The following IGSF11 variants were observed in gnomAD, a reference collection of about 807,000 sequenced individuals.
The protein encoded by IGSF11 is CXADR like 1.
IGSF11 carries 22 observed loss-of-function variants against 41.0 expected under a neutral mutation model. That is an observed-to-expected ratio of 0.54 (90% CI 0.38 to 0.77). The LOEUF (loss-of-function observed/expected upper bound fraction) is 0.77. Ranked by LOEUF, IGSF11 falls within the 30% of genes least tolerant of loss-of-function variation. The pLI, the probability that IGSF11 is intolerant of heterozygous loss-of-function variation, is 0.00. For synonymous variants in IGSF11, 219 were observed against 201.3 expected (o/e 1.09, Z -0.74); for missense variants, 444 against 530.8 (o/e 0.84, Z 1.61).
intron 1 of IGSF11, among the ~76,000 whole-genome samples, chr3:119,026,426 G>A (rs1939834714): frequency 6.6e-6 from 1 of 152,126 alleles, no homozygotes; most frequent in Non-Finnish European, 1.5e-5. Flanking sequence ...AGTCTATGTA[G>A]TAAAAACTAC....
chr3:118,905,522 C>A, intron 5 of IGSF11, 74 bp downstream of exon 5: 1 of 1,493,190 alleles, frequency 6.7e-7, no homozygotes, highest in Non-Finnish European at 9.3e-7. Context: ...TCAGCAGAAC[C>A]CTTCATTTTC....
chr3:119,023,619 C>T (rs1315122813), intron 1 of IGSF11, among the ~76,000 whole-genome samples: 1 of 152,100 alleles, frequency 6.6e-6, no homozygotes, highest in African/African-American at 2.4e-5. Context: ...GTCTAATTAA[C>T]ATACATGAAG....
intron 1 of IGSF11, among the ~76,000 whole-genome samples, chr3:119,069,442 C>T (rs564913239): frequency 1.8e-4 from 27 of 152,110 alleles, no homozygotes; most frequent in Admixed American, 5.2e-4. Context: ...TACTACATGA[C>T]CATTGTAGTC....
chr3:119,096,805 A>G (rs554509802), intron 1 of IGSF11, among the ~76,000 whole-genome samples: 1 of 152,200 alleles, frequency 6.6e-6, no homozygotes, highest in Non-Finnish European at 1.5e-5. Flanking sequence ...TTGCAGGCCC[A>G]ATTTCATCTT....
At position 119,005,662 on chromosome 3, in the gene IGSF11, G is replaced by T. The variant is rs1168701914; in HGVS notation, c.52+28869C>A. Among the ~76,000 whole-genome samples, 55 of 111,668 alleles carry T rather than the reference G, an allele frequency of 4.9e-4. 1 individual carries two copies. The highest frequency in any genetic ancestry group is 2.4e-3 in the African/African-American group (46 of 18,864). 73.3% of individuals were successfully genotyped at this position (111,668 alleles called of 152,430 possible). On this transcript the variant is annotated intron_variant, in intron 1 of 6. Transcript: ENST00000393775. Reference sequence around the variant, plus strand: ...GAGCTCTTTTAGGGCAGGCCTGGTGGTGACAAAATCTCTCAGCATTTGCTT... The same window carrying T: ...GAGCTCTTTTAGGGCAGGCCTGGTGTTGACAAAATCTCTCAGCATTTGCTT...
chr3:119,110,784 T>A (rs202208757), intron 1 of IGSF11, among the ~76,000 whole-genome samples: 465 of 151,864 alleles, frequency 3.1e-3, no homozygotes, highest in Admixed American at 6.0e-3. Context: ...AGGGCAGGCC[T>A]GGTGGTGACA....
At chr3:119,143,559 C>A (rs1000083181) in intron 1 of IGSF11, among the ~76,000 whole-genome samples, 2 of 151,972 alleles carry the variant, frequency 1.3e-5, no homozygotes, top group Non-Finnish European at 2.9e-5. Context: ...AATGGAAGAA[C>A]TGAGGAACAG....
chr3:119,108,823 T>C (rs1196419440), upstream of IGSF11, among the ~76,000 whole-genome samples: 2 of 142,748 alleles, frequency 1.4e-5, no homozygotes, highest in African/African-American at 2.5e-5. Context: ...TGTCAAAGGC[T>C]TTTTCTGCAT....
In IGSF11 at chr3:118,994,477, T is replaced by C. The variant is rs900952329; in HGVS notation, c.52+40054A>G. Among the ~76,000 whole-genome samples the C allele has an allele frequency of 3.3e-5, 5 of 152,172 alleles. 1 individual carries two copies. The highest frequency in any genetic ancestry group is 1.9e-4 in the East Asian group (1 of 5,168). ...TTTGAGACCAGCTGGGGCAACATAG[T>C]AAGTCCTCATCTCTACCAGAAATAA... On this transcript the variant is annotated intron_variant, in intron 1 of 6. Transcript: ENST00000393775.
At chr3:118,992,235 T>A (rs1425942498) in intron 1 of IGSF11, among the ~76,000 whole-genome samples, 1 of 152,188 alleles carries the variant, frequency 6.6e-6, no homozygotes, top group East Asian at 1.9e-4. Flanking sequence ...GAAAGATGAC[T>A]ATTGTTAACA....
chr3:118,965,558 C>A (rs1385079271), intron 1 of IGSF11, among the ~76,000 whole-genome samples: 1 of 151,180 alleles, frequency 6.6e-6, no homozygotes, highest in Admixed American at 6.6e-5. Flanking sequence ...CATTAAAATT[C>A]TTGAGGAAAA....
intron 1 of IGSF11, among the ~76,000 whole-genome samples, chr3:119,083,420 T>C (rs1428479645): frequency 6.6e-6 from 1 of 152,080 alleles, no homozygotes; most frequent in African/African-American, 2.4e-5. Flanking sequence ...TTCTATGTAG[T>C]AGTTTATTCC....
chr3:119,075,211 C>T (rs908865510), intron 1 of IGSF11, among the ~76,000 whole-genome samples: 1 of 152,134 alleles, frequency 6.6e-6, no homozygotes, highest in Admixed American at 6.5e-5. Context: ...CCTCTGCACA[C>T]AAACTAGGAA....
chr3:119,000,527 CT>C (rs3974748), intron 1 of IGSF11, among the ~76,000 whole-genome samples: 65 of 145,868 alleles, frequency 4.5e-4, no homozygotes, highest in South Asian at 1.1e-3. Flanking sequence ...CTTGACTATT[CT>C]TTTTTTTTTT....
upstream of IGSF11, among the ~76,000 whole-genome samples, chr3:119,035,238 T>C (rs1488670573): frequency 6.6e-6 from 1 of 152,266 alleles, no homozygotes; most frequent in Non-Finnish European, 1.5e-5. Flanking sequence ...GAGTCTTTCC[T>C]GTTGCAGTTT....
At chr3:118,917,779 C>T (rs991285052) in intron 4 of IGSF11, among the ~76,000 whole-genome samples, 2 of 151,094 alleles carry the variant, frequency 1.3e-5, no homozygotes, top group African/African-American at 4.9e-5. Context: ...CATTCTGATA[C>T]CAAAGCCGGG....
At chr3:118,903,357 T>C (rs1939158961) in intron 6 of IGSF11, among the ~76,000 whole-genome samples, 1 of 151,864 alleles carries the variant, frequency 6.6e-6, no homozygotes, top group Admixed American at 6.6e-5. Flanking sequence ...TTGCTTTATA[T>C]ATATAGTATT....
chr3:119,009,246 A>G (rs1370094331), intron 1 of IGSF11, among the ~76,000 whole-genome samples: 2 of 151,138 alleles, frequency 1.3e-5, no homozygotes, highest in African/African-American at 4.9e-5. Flanking sequence ...CCCATCTTGC[A>G]TAAAGCCCTT....
At chr3:119,039,110 T>C (rs1292763692), upstream of IGSF11, among the ~76,000 whole-genome samples, 1 of 152,212 alleles carries the variant, frequency 6.6e-6, no homozygotes, top group Non-Finnish European at 1.5e-5. Context: ...TCACTCAGGA[T>C]GAGTCCTTAC....
Sources: gnomAD v4.1 joint callset for allele counts (sites outside exome capture counted in the v4.1 genomes callset) on GRCh38, gnomAD v4.1.1 for gene constraint, MANE v1.5 for transcripts, NCBI Gene and HGNC (gene_info 2026-07-23, HGNC 2026-07-21) for gene names.